Variants in CDH18 observed in about 807,000 individuals in gnomAD.
CDH18 encodes cadherin 18.
CDH18 carries 31 observed loss-of-function variants against 67.9 expected under a neutral mutation model. The observed-to-expected ratio is 0.46, with a 90% CI of 0.34 to 0.62. The LOEUF is 0.62. Ranked by LOEUF, CDH18 falls within the 20% of genes least tolerant of loss-of-function variation. The pLI, the probability that CDH18 is intolerant of heterozygous loss-of-function variation, is 0.01. For synonymous variants in CDH18, 362 were observed against 347.2 expected, an observed-to-expected ratio of 1.04 and a Z score of -0.48; for missense variants, 890 against 975.5, an observed-to-expected ratio of 0.91 and a Z score of 1.17.
At chr5:20,468,183 T>G (rs55732299) in intron 1 of CDH18, among the ~76,000 whole-genome samples, 43,174 of 151,742 alleles carry the variant, frequency 0.28, 6,417 homozygotes, top group East Asian at 0.39. Context: ...TCCAGCTAAT[T>G]TTTGTATCTT....
At chr5:19,911,619 G>T (rs1391186721) in intron 2 of CDH18, among the ~76,000 whole-genome samples, 1 of 151,804 alleles carries the variant, frequency 6.6e-6, no homozygotes, top group Non-Finnish European at 1.5e-5. Context: ...TCCCTGCTAT[G>T]TGAGGACACC....
intron 2 of CDH18, among the ~76,000 whole-genome samples, chr5:19,842,309 C>T (rs1411398577): frequency 1.3e-5 from 2 of 152,108 alleles, no homozygotes; most frequent in Non-Finnish European, 2.9e-5. Flanking sequence ...ATTGTAATCC[C>T]CATTTTGGGA....
At chr5:20,095,563 G>T (rs1234266991) in intron 2 of CDH18, among the ~76,000 whole-genome samples, 2 of 89,662 alleles carry the variant, frequency 2.2e-5, no homozygotes, top group East Asian at 4.0e-4. Context: ...AGGAAAGAAA[G>T]GAAAGAAAGG....
At chr5:19,861,703 T>A (rs1408583690) in intron 2 of CDH18, among the ~76,000 whole-genome samples, 1 of 151,478 alleles carries the variant, frequency 6.6e-6, no homozygotes, top group Non-Finnish European at 1.5e-5. Flanking sequence ...ATATGGGGAG[T>A]GAAAAAAGAA....
chr5:19,776,001 A>G (rs1774318183), intron 3 of CDH18, among the ~76,000 whole-genome samples: 3 of 152,164 alleles, frequency 2.0e-5, no homozygotes. Flanking sequence ...ATGCAGATGT[A>G]CAATAAAACT....
chr5:19,730,127 C>A (rs1387781536), intron 4 of CDH18, among the ~76,000 whole-genome samples: 1 of 152,118 alleles, frequency 6.6e-6, no homozygotes, highest in Non-Finnish European at 1.5e-5. Context: ...TCTATAAGAT[C>A]CAGGTTCTGT....
At chr5:20,063,080 T>A (rs527586529) in intron 2 of CDH18, among the ~76,000 whole-genome samples, 1 of 151,042 alleles carries the variant, frequency 6.6e-6, no homozygotes, top group Admixed American at 6.6e-5. Context: ...AATAATTATG[T>A]CTTTGATCAA....
chr5:19,820,556 C>T lies in CDH18; in HGVS notation c.228+18203G>A, dbSNP rs552987539. Among the ~76,000 whole-genome samples, 5 of 152,302 alleles carry T rather than the reference C, an allele frequency of 3.3e-5. No homozygotes were observed. The East Asian group carries it at 9.7e-4, about 29-fold the overall frequency. On this transcript the variant is annotated intron_variant, in intron 3 of 12. Coordinates refer to ENST00000382275, the MANE Select transcript of CDH18 (RefSeq NM_004934.5). ...CTTTGACTCTGCCAAACTCAGAGGA[C>T]CAAAAGGTCCCCAGTGAATGGCATG... is the stretch of plus-strand genomic sequence containing the variant.
intron 2 of CDH18, among the ~76,000 whole-genome samples, chr5:20,134,378 A>T (rs1749523240): frequency 6.6e-6 from 1 of 152,112 alleles, no homozygotes; most frequent in South Asian, 2.1e-4. Context: ...ACAATCAACA[A>T]CCCTGATTAT....
chr5:20,183,065 AT>A (rs2126690394), intron 2 of CDH18, among the ~76,000 whole-genome samples: 1 of 152,200 alleles, frequency 6.6e-6, no homozygotes, highest in Admixed American at 6.6e-5. Flanking sequence ...GATGAAGATA[AT>A]TACAGCATCT....
chr5:20,315,781 G>T (rs1404540487), intron 1 of CDH18, among the ~76,000 whole-genome samples: 1 of 152,030 alleles, frequency 6.6e-6, no homozygotes, highest in Non-Finnish European at 1.5e-5. Context: ...AGTAACTCTA[G>T]ATCATAGCTC....
chr5:19,780,311 C>T (rs953057397), intron 3 of CDH18, among the ~76,000 whole-genome samples: 1 of 152,060 alleles, frequency 6.6e-6, no homozygotes, highest in African/African-American at 2.4e-5. Context: ...ATTTCCTTGT[C>T]GATAAGAGAC....
Position 20,165,368 on chromosome 5 carries a change from C to T in CDH18, c.-518+90076G>A, listed in dbSNP as rs564847248. Reference sequence around the variant, plus strand: ...TGAGGATAGAGAAATGATTAAAGGACAATCTCTGTCATTTGAGGACTTACT... The same window carrying T: ...TGAGGATAGAGAAATGATTAAAGGATAATCTCTGTCATTTGAGGACTTACT... On this transcript the variant is annotated intron_variant, in intron 2 of 14. Coordinates refer to the CDH18 transcript ENST00000507958. Among the ~76,000 whole-genome samples, 52 of 152,108 alleles carry T rather than the reference C, an allele frequency of 3.4e-4. 1 individual carries two copies. Among genetic ancestry groups the T allele is most frequent in the African/African-American group, 1.2e-3 (49 of 41,524 alleles).
intron 2 of CDH18, among the ~76,000 whole-genome samples, chr5:20,159,690 A>G (rs1751823917): frequency 6.6e-6 from 1 of 152,142 alleles, no homozygotes; most frequent in South Asian, 2.1e-4. Flanking sequence ...ATTTATTTCT[A>G]CCTAAAGAGA....
intron 7 of CDH18, among the ~76,000 whole-genome samples, chr5:19,574,578 A>G (rs1015767662): frequency 2.0e-5 from 3 of 152,080 alleles, no homozygotes; most frequent in Admixed American, 6.6e-5. Context: ...AATAGAAATT[A>G]TTGTATTATT....
At chr5:20,323,535 GTAGAGTACACAGA>G (rs997789969) in intron 1 of CDH18, among the ~76,000 whole-genome samples, 1 of 152,164 alleles carries the variant, frequency 6.6e-6, no homozygotes, top group Admixed American at 6.5e-5. Flanking sequence ...TTGAAATTCA[GTAGAGTACACAGA>G]TAGTAACATA....
chr5:19,543,831 A>C, intron 9 of CDH18, 38 bp downstream of exon 9: 2 of 1,472,552 alleles, frequency 1.4e-6, no homozygotes, highest in South Asian at 2.8e-5. Context: ...CTTCTTGTAC[A>C]AGTGACATCT....
intron 2 of CDH18, among the ~76,000 whole-genome samples, chr5:19,887,375 T>C (rs925352481): frequency 6.6e-6 from 1 of 152,066 alleles, no homozygotes; most frequent in African/African-American, 2.4e-5. Context: ...GTTTGATATA[T>C]CTCCTGTGCT....
chr5:19,618,251 A>C (rs1477768845), intron 5 of CDH18, among the ~76,000 whole-genome samples: 1 of 151,438 alleles, frequency 6.6e-6, no homozygotes, highest in Non-Finnish European at 1.5e-5. Flanking sequence ...TGTCACCCAG[A>C]CTGGAGTGCA....
Sources: gnomAD v4.1 joint callset for allele counts (sites outside exome capture counted in the v4.1 genomes callset) on GRCh38, gnomAD v4.1.1 for gene constraint, MANE v1.5 for transcripts, NCBI Gene and HGNC (gene_info 2026-07-23, HGNC 2026-07-21) for gene names.